NRXN1: variants seen among roughly 807,000 people sequenced by gnomAD.
NRXN1 encodes the protein neurexin 1, also known as neurexin-1.
Under a neutral mutation model 150.9 loss-of-function variants are expected in NRXN1, and 39 were observed. The ratio of observed to expected loss-of-function variants is 0.26; its 90% CI spans 0.20 to 0.34. The LOEUF (loss-of-function observed/expected upper bound fraction) is 0.34. NRXN1 is among the 10% of genes least tolerant of loss of function. The probability of loss-of-function intolerance (pLI) is 1.00; values close to 1 mark genes in which losing one functional copy is unlikely to be tolerated. For synonymous variants in NRXN1, 924 were observed against 757.0 expected (o/e 1.22, Z -3.62); for missense variants, 1,815 against 1,949.9 (o/e 0.93, Z 1.30).
At chr2:50,622,759 C>T (rs1376873539) in intron 6 of NRXN1, among the ~76,000 whole-genome samples, 1 of 152,072 alleles carries the variant, frequency 6.6e-6, no homozygotes, top group Non-Finnish European at 1.5e-5. Context: ...CTTAAAGCAT[C>T]TATGCTAAAA....
At chr2:50,219,009 G>A (rs185936591) in intron 18 of NRXN1, among the ~76,000 whole-genome samples, 3 of 151,792 alleles carry the variant, frequency 2.0e-5, no homozygotes, top group East Asian at 3.9e-4. Flanking sequence ...CTTCATTGTG[G>A]CATTCCAAAC....
At chr2:50,093,302 T>C (rs527520465) in intron 18 of NRXN1, among the ~76,000 whole-genome samples, 3 of 152,090 alleles carry the variant, frequency 2.0e-5, no homozygotes, top group East Asian at 1.9e-4. Context: ...GGAAAATATA[T>C]ACTAAAGTCT....
intron 5 of NRXN1, among the ~76,000 whole-genome samples, chr2:50,828,178 G>A (rs1184713140): frequency 6.6e-6 from 1 of 151,218 alleles, no homozygotes; most frequent in Non-Finnish European, 1.5e-5. Flanking sequence ...CCCAGTAGGG[G>A]CGGCCGGGCA....
intron 18 of NRXN1, among the ~76,000 whole-genome samples, chr2:50,190,619 T>TC (rs1394308941): frequency 8.0e-5 from 12 of 150,720 alleles, no homozygotes; most frequent in Non-Finnish European, 1.8e-4. Flanking sequence ...TTTTCTTTTT[T>TC]TTTTTTTTTT....
chr2:50,462,937 T>A (rs774129596), intron 17 of NRXN1, among the ~76,000 whole-genome samples: 6 of 151,872 alleles, frequency 4.0e-5, no homozygotes, highest in Non-Finnish European at 8.8e-5. Flanking sequence ...GTCTCATTTG[T>A]AATGTGGCAT....
chr2:50,911,081 T>C (rs1421919110), intron 5 of NRXN1, among the ~76,000 whole-genome samples: 1 of 152,054 alleles, frequency 6.6e-6, no homozygotes, highest in Non-Finnish European at 1.5e-5. Flanking sequence ...TTGCAACAGA[T>C]GGGACCACTG....
At chr2:50,424,102 T>A (rs1443512640) in intron 17 of NRXN1, among the ~76,000 whole-genome samples, 1 of 134,096 alleles carries the variant, frequency 7.5e-6, no homozygotes, top group African/African-American at 2.8e-5. Flanking sequence ...TTCTTTACCT[T>A]ACATGAGAAA....
intron 17 of NRXN1, among the ~76,000 whole-genome samples, chr2:50,285,465 A>G (rs1010765831): frequency 9.9e-5 from 15 of 152,124 alleles, no homozygotes; most frequent in Admixed American, 3.3e-4. Flanking sequence ...AGACACAACA[A>G]TGAACCTAAT....
At chr2:50,591,634 G>A (rs1325085043) in intron 8 of NRXN1, among the ~76,000 whole-genome samples, 1 of 152,052 alleles carries the variant, frequency 6.6e-6, no homozygotes, top group Non-Finnish European at 1.5e-5. Flanking sequence ...TCTCTTCTCT[G>A]CTATTGTGAT....
At chr2:50,541,526 T>C (rs1283066578) in intron 9 of NRXN1, among the ~76,000 whole-genome samples, 1 of 152,182 alleles carries the variant, frequency 6.6e-6, no homozygotes, top group East Asian at 1.9e-4. Context: ...GTGCTTGCTT[T>C]GAGCAAAGTA....
chr2:50,216,748 A>C (rs2063428341), intron 18 of NRXN1, among the ~76,000 whole-genome samples: 1 of 152,090 alleles, frequency 6.6e-6, no homozygotes, highest in Admixed American at 6.6e-5. Flanking sequence ...AAAGTTCAAC[A>C]CAAGTTTTAA....
intron 17 of NRXN1, among the ~76,000 whole-genome samples, chr2:50,351,455 T>G (rs1376687204): frequency 6.6e-6 from 1 of 152,162 alleles, no homozygotes; most frequent in East Asian, 1.9e-4. Flanking sequence ...AAGTTATCAC[T>G]GATGAAATTA....
At chr2:50,512,187 C>G (rs955480048) in intron 12 of NRXN1, among the ~76,000 whole-genome samples, 1 of 152,102 alleles carries the variant, frequency 6.6e-6, no homozygotes, top group African/African-American at 2.4e-5. Flanking sequence ...GTGAATATCT[C>G]TAATGGTGCA....
intron 17 of NRXN1, among the ~76,000 whole-genome samples, chr2:50,329,698 G>T (rs567088259): frequency 9.1e-5 from 11 of 120,700 alleles, no homozygotes; most frequent in African/African-American, 3.1e-4. Flanking sequence ...CCCCGAGACG[G>T]AGTCTCACTC....
chr2:50,351,154 CTG>C (rs1195686793), intron 17 of NRXN1, among the ~76,000 whole-genome samples: 1 of 152,174 alleles, frequency 6.6e-6, no homozygotes, highest in African/African-American at 2.4e-5. Context: ...CTAAGGGAAA[CTG>C]AGGCAGAATC....
intron 5 of NRXN1, among the ~76,000 whole-genome samples, chr2:50,710,051 T>G (rs1694958883): frequency 6.6e-6 from 1 of 152,108 alleles, no homozygotes; most frequent in South Asian, 2.1e-4. Context: ...CCAGAACATG[T>G]GCAATGAATA....
chr2:50,584,672 T>A (rs1004898692), intron 8 of NRXN1, among the ~76,000 whole-genome samples: 1 of 152,180 alleles, frequency 6.6e-6, no homozygotes, highest in African/African-American at 2.4e-5. Flanking sequence ...AAGGGTTCTG[T>A]TACCTTAGGT....
chr2:50,584,274 C>G (rs950652444), intron 8 of NRXN1, among the ~76,000 whole-genome samples: 3 of 152,128 alleles, frequency 2.0e-5, no homozygotes, highest in Admixed American at 6.6e-5. Flanking sequence ...CCCTTCAACT[C>G]AATATGCTAA....
At position 50,232,530 on chromosome 2, in the gene NRXN1, G is replaced by T. The variant is rs188160339; in HGVS notation, c.3546+4259C>A. 1.9e-3 allele frequency among the ~76,000 whole-genome samples: 286 copies of T among 151,610 alleles called. 1 individual carries two copies. The highest frequency in any genetic ancestry group is 6.8e-3 in the African/African-American group (281 of 41,342). On this transcript the variant is annotated intron_variant, in intron 18 of 22. Coordinates refer to ENST00000401669, the MANE Select transcript of NRXN1 (RefSeq NM_001330078.2). Reference sequence around the variant, plus strand: ...GACTCCCAAGTAGCTGGGACTACAGGCATGTGTCACCACACCCAGCTAATT... The same window carrying T: ...GACTCCCAAGTAGCTGGGACTACAGTCATGTGTCACCACACCCAGCTAATT...
Sources: gnomAD v4.1 joint callset for allele counts (sites outside exome capture counted in the v4.1 genomes callset) on GRCh38, gnomAD v4.1.1 for gene constraint, MANE v1.5 for transcripts, NCBI Gene and HGNC (gene_info 2026-07-23, HGNC 2026-07-21) for gene names.